The following RBFOX1 variants were observed in gnomAD, a reference collection of about 807,000 sequenced individuals.
RBFOX1 encodes RNA binding protein fox-1 homolog 1.
RBFOX1 carries 8 observed loss-of-function variants against 57.7 expected under a neutral mutation model. The observed-to-expected ratio is 0.14, with a 90% CI of 0.08 to 0.25. The LOEUF is 0.25. Among genes scored for constraint, RBFOX1 ranks in the 10% least tolerant of loss-of-function variants. RBFOX1 has a pLI of 1.00. For missense variants in RBFOX1, 611 were observed against 548.5 expected (o/e 1.11, Z -1.14); for synonymous variants, 326 against 222.4 (o/e 1.47, Z -4.15).
intron 1 of RBFOX1, among the ~76,000 whole-genome samples, chr16:6,057,914 G>C (rs141870441): frequency 2.2e-3 from 307 of 137,764 alleles, no homozygotes; most frequent in Admixed American, 3.1e-3. Flanking sequence ...TCCAGATTCA[G>C]GACAAGATGT....
intron 4 of RBFOX1, among the ~76,000 whole-genome samples, chr16:7,485,648 C>G (rs1256814054): frequency 6.6e-6 from 1 of 152,190 alleles, no homozygotes; most frequent in Non-Finnish European, 1.5e-5. Flanking sequence ...GAAGATTGTT[C>G]TATCTAAACA....
intron 1 of RBFOX1, among the ~76,000 whole-genome samples, chr16:6,302,137 A>G (rs2152744478): frequency 6.6e-6 from 1 of 152,224 alleles, no homozygotes; most frequent in Non-Finnish European, 1.5e-5. Context: ...ACCTGAAATC[A>G]TGCTATGAAG....
intron 2 of RBFOX1, among the ~76,000 whole-genome samples, chr16:5,474,250 T>C (rs1349627168): frequency 6.6e-6 from 1 of 152,238 alleles, no homozygotes; most frequent in African/African-American, 2.4e-5. Context: ...ACAACAGGAC[T>C]TTTAAAAATT....
chr16:5,908,379 G>C (rs1399594375), intron 4 of RBFOX1, among the ~76,000 whole-genome samples: 4 of 149,554 alleles, frequency 2.7e-5, no homozygotes, highest in African/African-American at 9.9e-5. Context: ...GTAAGACAGA[G>C]TCTGACTCTG....
At chr16:6,411,662 T>C (rs2093461918) in intron 2 of RBFOX1, among the ~76,000 whole-genome samples, 1 of 152,188 alleles carries the variant, frequency 6.6e-6, no homozygotes, top group African/African-American at 2.4e-5. Context: ...AAAATGAAAA[T>C]TATTCTCCAT....
intron 4 of RBFOX1, among the ~76,000 whole-genome samples, chr16:5,918,725 CTG>C (rs1237172319): frequency 1.3e-5 from 2 of 152,210 alleles, no homozygotes; most frequent in South Asian, 2.1e-4. Flanking sequence ...CCCACTAGGA[CTG>C]TGAATTTGCA....
chr16:6,256,237 ATATATATATG>A (rs2097664720), intron 1 of RBFOX1, among the ~76,000 whole-genome samples: 2 of 84,330 alleles, frequency 2.4e-5, no homozygotes, highest in South Asian at 3.8e-4. Context: ...ATATATGTGT[ATATATATATG>A]TATATATATG....
intron 1 of RBFOX1, among the ~76,000 whole-genome samples, chr16:5,424,904 T>TC (rs1491121907): frequency 2.8e-5 from 3 of 105,976 alleles, no homozygotes; most frequent in African/African-American, 1.2e-4. Flanking sequence ...TCTTTCTTTC[T>TC]TTCTTTCTTT....
chr16:7,127,282 C>G (rs1366705155), intron 4 of RBFOX1, among the ~76,000 whole-genome samples: 2 of 152,074 alleles, frequency 1.3e-5, no homozygotes, highest in Non-Finnish European at 2.9e-5. Flanking sequence ...GTAATATTAT[C>G]CATAGTACTT....
At chr16:5,423,583 GTGTCTGTGAGGCCATTGCTGCC>G (rs987057653) in intron 1 of RBFOX1, among the ~76,000 whole-genome samples, 4 of 152,094 alleles carry the variant, frequency 2.6e-5, no homozygotes, top group Non-Finnish European at 4.4e-5. Flanking sequence ...CCATTGCTGC[GTGTCTGTGAGGCCATTGCTGCC>G]TGTCTGTGAG....
intron 4 of RBFOX1, among the ~76,000 whole-genome samples, chr16:7,222,615 G>C (rs968313323): frequency 1.3e-5 from 2 of 152,146 alleles, no homozygotes; most frequent in East Asian, 1.9e-4. Flanking sequence ...CCTCTCTGCC[G>C]CTTATGATCT....
intron 3 of RBFOX1, among the ~76,000 whole-genome samples, chr16:6,965,534 A>C (rs932248110): frequency 2.4e-4 from 37 of 152,110 alleles, no homozygotes; most frequent in Non-Finnish European, 4.3e-4. Context: ...GCAGGGTTTC[A>C]CCATGTTGGC....
intron 3 of RBFOX1, among the ~76,000 whole-genome samples, chr16:6,663,367 T>G (rs1415118485): frequency 6.6e-6 from 1 of 152,184 alleles, no homozygotes; most frequent in East Asian, 1.9e-4. Flanking sequence ...GTTTAGGGCT[T>G]ATATGCCAGT....
intron 3 of RBFOX1, among the ~76,000 whole-genome samples, chr16:6,816,037 G>A (rs561334619): frequency 2.6e-5 from 4 of 152,326 alleles, no homozygotes; most frequent in African/African-American, 9.6e-5. Context: ...TCGGCCAGGA[G>A]CAATGGCTCA....
intron 1 of RBFOX1, among the ~76,000 whole-genome samples, chr16:5,309,221 C>G (rs1182394689): frequency 6.6e-6 from 1 of 152,182 alleles, no homozygotes; most frequent in East Asian, 1.9e-4. Flanking sequence ...GGAACGTCTT[C>G]TCCTTTAAAC....
intron 1 of RBFOX1, among the ~76,000 whole-genome samples, chr16:6,245,987 A>T (rs2097567136): frequency 6.6e-6 from 1 of 152,116 alleles, no homozygotes; most frequent in Admixed American, 6.6e-5. Context: ...TCTTTTTTCT[A>T]AATGCTCTTT....
intron 1 of RBFOX1, among the ~76,000 whole-genome samples, chr16:5,411,550 A>C (rs1233252922): frequency 6.6e-6 from 1 of 152,212 alleles, no homozygotes; most frequent in Non-Finnish European, 1.5e-5. Flanking sequence ...GTAAGATGGC[A>C]AACGTGTGTT....
chr16:6,258,530 A>G (rs2097682554), intron 1 of RBFOX1, among the ~76,000 whole-genome samples: 1 of 152,210 alleles, frequency 6.6e-6, no homozygotes. Context: ...TCCTCTGCTC[A>G]AAAACCTTCA....
chr16:7,230,177 C>CT lies in RBFOX1; in HGVS notation c.27+178089dup, dbSNP rs199821368. On this transcript the variant is annotated intron_variant, in intron 4 of 15. Coordinates refer to ENST00000550418, the MANE Select transcript of RBFOX1 (RefSeq NM_018723.4). ...TTTCTGCGTTCGTTTACTCATTTCA[C>CT]TTTTTTTTTTAATTGGACATCTGTA... Among the ~76,000 whole-genome samples the CT allele has an allele frequency of 8.6e-3, 1,263 of 147,040 alleles. 10 individuals are homozygous for CT. Among genetic ancestry groups the CT allele is most frequent in the African/African-American group, 0.025 (1,003 of 39,654 alleles).
Sources: gnomAD v4.1 joint callset for allele counts (sites outside exome capture counted in the v4.1 genomes callset) on GRCh38, gnomAD v4.1.1 for gene constraint, MANE v1.5 for transcripts, NCBI Gene and HGNC (gene_info 2026-07-23, HGNC 2026-07-21) for gene names.